Variants in DLG2 observed in about 807,000 individuals in gnomAD.
DLG2 encodes discs large MAGUK scaffold protein 2, also known as disks large homolog 2.
In DLG2, 45 loss-of-function variants were observed where a neutral mutation model predicts 132.5. The observed-to-expected ratio is 0.34, with a 90% confidence interval of 0.27 to 0.44. DLG2 has a LOEUF of 0.44. Among genes scored for constraint, DLG2 ranks in the 20% least tolerant of loss-of-function variants. DLG2 has a pLI of 1.00. For synonymous variants in DLG2, 424 were observed against 419.6 expected, an observed-to-expected ratio of 1.01 and a Z score of -0.13; for missense variants, 1,045 against 1,196.9, an observed-to-expected ratio of 0.87 and a Z score of 1.87.
intron 7 of DLG2, among the ~76,000 whole-genome samples, chr11:84,324,828 T>C (rs2098422546): frequency 6.6e-6 from 1 of 152,142 alleles, no homozygotes; most frequent in African/African-American, 2.4e-5. Context: ...TATTTTACTG[T>C]TAGTGTATAG....
intron 21 of DLG2, among the ~76,000 whole-genome samples, chr11:83,522,692 C>T (rs2095511327): frequency 6.6e-6 from 1 of 152,052 alleles, no homozygotes; most frequent in Non-Finnish European, 1.5e-5. Context: ...AACTTGCTAT[C>T]TATTCTCCAG....
At chr11:83,483,732 A>C (rs993551707) in intron 22 of DLG2, among the ~76,000 whole-genome samples, 9 of 151,798 alleles carry the variant, frequency 5.9e-5, no homozygotes, top group African/African-American at 2.2e-4. Context: ...TTTATCTTTA[A>C]ATCAATAAAG....
intron 18 of DLG2, among the ~76,000 whole-genome samples, chr11:83,643,197 C>G (rs2067094520): frequency 6.6e-6 from 1 of 152,180 alleles, no homozygotes; most frequent in South Asian, 2.1e-4. Context: ...GCCTACACAA[C>G]TACTTCCTCT....
chr11:84,631,018 TCACACACACA>T (rs372331224), intron 6 of DLG2, among the ~76,000 whole-genome samples: 1,402 of 94,086 alleles, frequency 0.015, 47 homozygotes, highest in African/African-American at 0.059. Context: ...TCTCTCTCTC[TCACACACACA>T]CACACACACA....
At chr11:83,776,525 G>A (rs1010488821) in intron 18 of DLG2, among the ~76,000 whole-genome samples, 1 of 152,194 alleles carries the variant, frequency 6.6e-6, no homozygotes, top group South Asian at 2.1e-4. Flanking sequence ...CTATTCAGCA[G>A]CCAGAGCCAT....
intron 6 of DLG2, among the ~76,000 whole-genome samples, chr11:84,628,774 TA>T (rs2099626987): frequency 6.6e-6 from 1 of 152,216 alleles, no homozygotes; most frequent in South Asian, 2.1e-4. Flanking sequence ...AACTTCTTTA[TA>T]AAACAGAAAC....
intron 7 of DLG2, among the ~76,000 whole-genome samples, chr11:84,520,040 C>T (rs2099290674): frequency 6.6e-6 from 1 of 152,168 alleles, no homozygotes; most frequent in African/African-American, 2.4e-5. Context: ...CCTGAATCAT[C>T]TCTACAATAT....
intron 2 of DLG2, among the ~76,000 whole-genome samples, chr11:85,612,810 G>A (rs1409814766): frequency 1.3e-5 from 2 of 152,180 alleles, no homozygotes; most frequent in Admixed American, 1.3e-4. Flanking sequence ...GCAGGTTTAT[G>A]TACTTCATTA....
chr11:84,923,083 G>A (rs763068269), intron 6 of DLG2: 54 of 1,613,722 alleles, frequency 3.3e-5, no homozygotes, highest in Non-Finnish European at 4.2e-5. Context: ...TTACCTTCAC[G>A]TTAGTCCGGA....
In DLG2 at chr11:84,442,465, G is replaced by A. The variant is rs531646280; in HGVS notation, c.519+92105C>T. Among the ~76,000 whole-genome samples the A allele has an allele frequency of 2.0e-5, 3 of 152,122 alleles. No individual in the cohort carries two copies. The South Asian group carries it at 6.2e-4, about 32-fold the overall frequency. On this transcript the variant is annotated intron_variant, in intron 7 of 27. Transcript: ENST00000376104. Reference sequence around the variant, plus strand: ...ATACCACATGTTCTCACTCATAAGTGGGAGTTGAACAATGAGAACACATGG... The same window carrying A: ...ATACCACATGTTCTCACTCATAAGTAGGAGTTGAACAATGAGAACACATGG...
At chr11:85,111,803 C>A (rs2072796851) in intron 5 of DLG2, 68 bp from the exon 6 acceptor site, 1 of 1,195,910 alleles carries the variant, frequency 8.4e-7, no homozygotes, top group Non-Finnish European at 1.2e-6. Flanking sequence ...TGCTAGCTGA[C>A]ATGTTTATTA....
intron 6 of DLG2, among the ~76,000 whole-genome samples, chr11:84,831,321 A>C (rs1020768384): frequency 9.9e-5 from 15 of 151,542 alleles, no homozygotes; most frequent in Admixed American, 2.0e-4. Context: ...AATAGCTGCT[A>C]CTTATCTACT....
intron 6 of DLG2, among the ~76,000 whole-genome samples, chr11:84,861,640 C>CAAAAAAAAAAAAAAAAAAAAAAAA (rs1248486704): frequency 1.6e-4 from 12 of 75,664 alleles, no homozygotes; most frequent in Non-Finnish European, 2.3e-4. Flanking sequence ...AAAAAAAAAA[C>CAAAAAAAAAAAAAAAAAAAAAAAA]AAAAAAAAAA....
intron 21 of DLG2, among the ~76,000 whole-genome samples, chr11:83,508,542 C>T (rs1312425995): frequency 6.6e-6 from 1 of 151,620 alleles, no homozygotes; most frequent in Admixed American, 6.6e-5. Flanking sequence ...CATGCCTGGC[C>T]AGAATATACA....
chr11:83,853,847 C>T (rs959325673), intron 16 of DLG2, among the ~76,000 whole-genome samples: 14 of 152,076 alleles, frequency 9.2e-5, no homozygotes, highest in African/African-American at 1.4e-4. Flanking sequence ...CTTTCACCAC[C>T]GCCTTTCGTC....
At chr11:83,848,574 A>C (rs2059093424) in intron 16 of DLG2, among the ~76,000 whole-genome samples, 2 of 152,236 alleles carry the variant, frequency 1.3e-5, no homozygotes, top group South Asian at 4.1e-4. Flanking sequence ...ACTTCCAATC[A>C]TCCAACAAAT....
rs190007415 is a variant in DLG2 at position 84,935,292 on chromosome 11, T to C, written c.357+176369A>G. On this transcript the variant is annotated intron_variant, in intron 6 of 27. Transcript: ENST00000376104. ...CTAATCCACTTTTGACCCAGATCTA[T>C]GAAAGAGATCTTTTCTAGACATAAA... Among the ~76,000 whole-genome samples, 287 of 152,338 alleles carry C rather than the reference T, an allele frequency of 1.9e-3. 3 individuals carry two copies. The highest frequency in any genetic ancestry group is 5.3e-3 in the Admixed American group (81 of 15,292).
Position 85,200,385 on chromosome 11 carries a change from C to T in DLG2, c.187-45734G>A, listed in dbSNP as rs543719764. ...TCCAGTGGCTCAGCTCCAGCCTTCTCAGTTGAAGTCCCAGCTCAGTGCTGT... is the reference window on the plus strand; with the variant it reads ...TCCAGTGGCTCAGCTCCAGCCTTCTTAGTTGAAGTCCCAGCTCAGTGCTGT... On this transcript the variant is annotated intron_variant, in intron 4 of 27. Transcript: ENST00000376104. Among the ~76,000 whole-genome samples, 100 of 152,202 alleles carry T rather than the reference C, an allele frequency of 6.6e-4. 1 individual carries two copies. Among genetic ancestry groups the T allele is most frequent in the African/African-American group, 2.3e-3 (96 of 41,534 alleles).
chr11:83,869,539 G>A (rs1458652273), intron 16 of DLG2, among the ~76,000 whole-genome samples: 1 of 152,194 alleles, frequency 6.6e-6, no homozygotes, highest in Non-Finnish European at 1.5e-5. Flanking sequence ...TGTCCCTATG[G>A]AGTTAGGCCT....
Sources: gnomAD v4.1 joint callset for allele counts (sites outside exome capture counted in the v4.1 genomes callset) on GRCh38, gnomAD v4.1.1 for gene constraint, MANE v1.5 for transcripts, NCBI Gene and HGNC (gene_info 2026-07-23, HGNC 2026-07-21) for gene names.